The following RGS5 variants were observed in gnomAD, a reference collection of about 807,000 sequenced individuals.
RGS5 encodes the protein regulator of G-protein signalling 5.
In RGS5, 20 loss-of-function variants were observed where a neutral mutation model predicts 18.9. The observed-to-expected ratio is 1.06, with a 90% CI of 0.74 to 1.54. The LOEUF is 1.54. Among genes scored for constraint, RGS5 ranks in the 40% most tolerant of loss-of-function variants. The probability of loss-of-function intolerance (pLI) is 0.00; values close to 1 mark genes in which losing one functional copy is unlikely to be tolerated. For synonymous variants in RGS5, 57 were observed against 76.2 expected, an observed-to-expected ratio of 0.75 and a Z score of 1.31; for missense variants, 201 against 211.8, an observed-to-expected ratio of 0.95 and a Z score of 0.32.
At chr1:163,257,448 G>C (rs1648302255) in intron 2 of RGS5, among the ~76,000 whole-genome samples, 1 of 152,028 alleles carries the variant, frequency 6.6e-6, no homozygotes, top group Non-Finnish European at 1.5e-5. Flanking sequence ...GATGTAGGGT[G>C]GGAAGTAAGG....
At chr1:163,268,084 C>G (rs145377087) in intron 2 of RGS5, among the ~76,000 whole-genome samples, 1 of 152,046 alleles carries the variant, frequency 6.6e-6, no homozygotes, top group African/African-American at 2.4e-5. Flanking sequence ...CTAGATAACT[C>G]AAACATTTTA....
intron 2 of RGS5, among the ~76,000 whole-genome samples, chr1:163,256,786 G>A (rs1224732866): frequency 1.3e-5 from 2 of 152,098 alleles, no homozygotes; most frequent in Non-Finnish European, 2.9e-5. Flanking sequence ...GAGGCAGAAA[G>A]GTAAGTGCAA....
chr1:163,261,850 T>C (rs1476607760), intron 2 of RGS5, among the ~76,000 whole-genome samples: 1 of 152,182 alleles, frequency 6.6e-6, no homozygotes, highest in African/African-American at 2.4e-5. Flanking sequence ...TATTTTATTA[T>C]ATTCTTCTCT....
intron 2 of RGS5, among the ~76,000 whole-genome samples, chr1:163,297,881 G>A (rs1039844587): frequency 1.3e-5 from 2 of 152,014 alleles, no homozygotes; most frequent in Admixed American, 6.6e-5. Flanking sequence ...GAAGACATTC[G>A]TAACAATAAA....
At chr1:163,256,785 A>G (rs1165183463) in intron 2 of RGS5, among the ~76,000 whole-genome samples, 1 of 152,202 alleles carries the variant, frequency 6.6e-6, no homozygotes, top group Non-Finnish European at 1.5e-5. Flanking sequence ...AGAGGCAGAA[A>G]GGTAAGTGCA....
intron 1 of RGS5, among the ~76,000 whole-genome samples, chr1:163,210,610 A>G (rs548037130): frequency 6.6e-6 from 1 of 152,364 alleles, no homozygotes; most frequent in South Asian, 2.1e-4. Context: ...CAAATTACTT[A>G]AAATTTGAGC....
intron 1 of RGS5, among the ~76,000 whole-genome samples, chr1:163,202,204 C>T (rs1204823214): frequency 1.3e-5 from 2 of 152,132 alleles, no homozygotes; most frequent in Admixed American, 6.6e-5. Context: ...ATTTCCTCTT[C>T]CTCACTGCAA....
intron 2 of RGS5, among the ~76,000 whole-genome samples, chr1:163,230,306 G>C (rs552252424): frequency 6.6e-6 from 1 of 152,238 alleles, no homozygotes; most frequent in African/African-American, 2.4e-5. Context: ...ATTGAAAGGA[G>C]AGCAGGGAAC....
At chr1:163,180,502 T>A (rs949017226) in intron 1 of RGS5, among the ~76,000 whole-genome samples, 1 of 152,004 alleles carries the variant, frequency 6.6e-6, no homozygotes, top group Non-Finnish European at 1.5e-5. Context: ...CCCAAATCAC[T>A]TGGAGGCCTG....
chr1:163,282,609 C>T (rs932580920), intron 2 of RGS5, among the ~76,000 whole-genome samples: 2 of 152,064 alleles, frequency 1.3e-5, no homozygotes, highest in East Asian at 3.9e-4. Context: ...ACTTAGGAGT[C>T]CGAGGTGGGA....
intron 1 of RGS5, among the ~76,000 whole-genome samples, chr1:163,191,786 C>T (rs978312801): frequency 9.2e-5 from 14 of 152,084 alleles, no homozygotes; most frequent in Admixed American, 3.9e-4. Flanking sequence ...TTGGTGGCCT[C>T]CTGGATAAGG....
chr1:163,281,997 T>C (rs996898619), intron 2 of RGS5, among the ~76,000 whole-genome samples: 1 of 152,032 alleles, frequency 6.6e-6, no homozygotes, highest in African/African-American at 2.4e-5. Context: ...CTTTAGAATA[T>C]TGTTGTAGGC....
At chr1:163,155,196 G>A (rs914563272) in intron 3 of RGS5, among the ~76,000 whole-genome samples, 1 of 151,982 alleles carries the variant, frequency 6.6e-6, no homozygotes, top group Non-Finnish European at 1.5e-5. Flanking sequence ...ACCTATCTCT[G>A]AATCACCCAT....
intron 4 of RGS5, among the ~76,000 whole-genome samples, chr1:163,147,717 T>G (rs1437311403): frequency 6.6e-6 from 1 of 152,084 alleles, no homozygotes; most frequent in Non-Finnish European, 1.5e-5. Context: ...CCACCAGGTG[T>G]CAGACCTCCC....
intron 1 of RGS5, among the ~76,000 whole-genome samples, chr1:163,209,238 G>A (rs1660042044): frequency 1.3e-5 from 2 of 152,080 alleles, no homozygotes; most frequent in African/African-American, 4.8e-5. Context: ...AAATTTCCAC[G>A]TGTACTTAAG....
At chr1:163,258,645 CTGTGTGTG>C (rs113301415) in intron 2 of RGS5, among the ~76,000 whole-genome samples, 6 of 148,394 alleles carry the variant, frequency 4.0e-5, no homozygotes, top group Middle Eastern at 3.4e-3. Context: ...GTAAGTGTGT[CTGTGTGTG>C]TGTGTGTGTG....
At chr1:163,287,445 T>C (rs575392946) in intron 2 of RGS5, among the ~76,000 whole-genome samples, 5 of 152,346 alleles carry the variant, frequency 3.3e-5, no homozygotes, top group African/African-American at 1.2e-4. Flanking sequence ...CATGAGCTTT[T>C]AGGACCATGC....
At chr1:163,226,141 A>G (rs1647326398) in intron 2 of RGS5, among the ~76,000 whole-genome samples, 1 of 150,578 alleles carries the variant, frequency 6.6e-6, no homozygotes, top group Non-Finnish European at 1.5e-5. Flanking sequence ...GCTGGTCTCA[A>G]ACTCCCAACC....
intron 2 of RGS5, among the ~76,000 whole-genome samples, chr1:163,280,731 C>G (rs1648971367): frequency 6.6e-6 from 1 of 152,012 alleles, no homozygotes; most frequent in African/African-American, 2.4e-5. Context: ...CCAAAGTAAT[C>G]TACACATTCA....
Sources: allele counts gnomAD v4.1 joint callset (sites outside exome capture counted in the v4.1 genomes callset), GRCh38; gene constraint gnomAD v4.1.1; transcripts MANE v1.5; gene names NCBI Gene and HGNC (gene_info 2026-07-23, HGNC 2026-07-21).